PDE1A: variants seen among roughly 807,000 people sequenced by gnomAD.
PDE1A encodes the protein phosphodiesterase 1A, also known as dual specificity calcium/calmodulin-dependent 3',5'-cyclic nucleotide phosphodiesterase 1A.
PDE1A carries 35 observed loss-of-function variants against 61.7 expected under a neutral mutation model. The ratio of observed to expected loss-of-function variants is 0.57; its 90% confidence interval spans 0.43 to 0.75. The LOEUF is 0.75. PDE1A is among the 30% of genes least tolerant of loss of function. The pLI is 0.00. For synonymous variants in PDE1A, 232 were observed against 213.2 expected (o/e 1.09, Z -0.77); for missense variants, 597 against 630.6 (o/e 0.95, Z 0.57).
intron 2 of PDE1A, among the ~76,000 whole-genome samples, chr2:182,253,633 C>A (rs1197780742): frequency 6.6e-6 from 1 of 152,118 alleles, no homozygotes; most frequent in African/African-American, 2.4e-5. Context: ...AGAACAATAA[C>A]TGGTTAATAT....
At chr2:182,242,214 T>C (rs1052953317) in intron 2 of PDE1A, among the ~76,000 whole-genome samples, 1 of 152,188 alleles carries the variant, frequency 6.6e-6, no homozygotes, top group African/African-American at 2.4e-5. Flanking sequence ...ATATGTCCTA[T>C]ACTCATAAAT....
chr2:182,338,660 A>T (rs553644040), intron 1 of PDE1A, among the ~76,000 whole-genome samples: 97 of 152,152 alleles, frequency 6.4e-4, no homozygotes, highest in African/African-American at 2.3e-3. Flanking sequence ...AGTAGCTGGG[A>T]CTATAAGCAC....
At chr2:182,490,442 G>A (rs1688308611) in intron 2 of PDE1A, among the ~76,000 whole-genome samples, 1 of 152,166 alleles carries the variant, frequency 6.6e-6, no homozygotes, top group Non-Finnish European at 1.5e-5. Context: ...CTGGACCTCG[G>A]CTCACTGCAA....
At chr2:182,621,502 C>T in the PDE1A span, among the ~76,000 whole-genome samples, 2 of 152,038 alleles carry the variant, frequency 1.3e-5, no homozygotes, top group African/African-American at 4.8e-5. Context: ...AGGAATAATA[C>T]CCGTTAATAT....
chr2:182,298,302 A>C lies in PDE1A; in HGVS notation c.54-33888T>G, dbSNP rs143942629. On this transcript the variant is annotated intron_variant, in intron 1 of 13. Coordinates refer to ENST00000351439, the Ensembl canonical transcript of PDE1A. ...AGCAAGAAAATGACAGTATCAGTTG[A>C]GCTCACTGTAAACTCAGGGCAAGGT... Among the ~76,000 whole-genome samples the C allele has an allele frequency of 2.6e-3, 400 of 152,308 alleles. 2 individuals carry two copies. The highest frequency in any genetic ancestry group is 8.9e-3 in the African/African-American group (371 of 41,568).
At chr2:182,248,711 TACATTCATG>T (rs1319974314) in intron 2 of PDE1A, among the ~76,000 whole-genome samples, 6 of 152,192 alleles carry the variant, frequency 3.9e-5, no homozygotes, top group African/African-American at 1.2e-4. Flanking sequence ...GGAAAATGAT[TACATTCATG>T]TACTGATGTG....
the PDE1A span, among the ~76,000 whole-genome samples, chr2:182,597,159 A>T: frequency 1.7e-4 from 21 of 120,306 alleles, no homozygotes; most frequent in Middle Eastern, 3.8e-3. Context: ...CTCAAAAATT[A>T]AAAAAAAAAA....
chr2:182,228,907 C>A lies in PDE1A; in HGVS notation c.675+1099G>T, dbSNP rs1689346363. On this transcript the variant is annotated intron_variant, in intron 6 of 13. Coordinates refer to ENST00000351439, the Ensembl canonical transcript of PDE1A. ...TACATTTATATTTGGTAAGTCATAG[C>A]TGTCTCAGAAAGTGACTATGTGATC... 2.6e-5 allele frequency among the ~76,000 whole-genome samples: 4 copies of A among 152,138 alleles called. No homozygotes were observed. In the South Asian group the frequency reaches 8.3e-4, roughly 31 times the overall value.
At chr2:182,184,018 G>GAAAGAA (rs922020646) in intron 13 of PDE1A, among the ~76,000 whole-genome samples, 5 of 88,486 alleles carry the variant, frequency 5.7e-5, no homozygotes, top group Non-Finnish European at 7.4e-5. Flanking sequence ...AAGAAAGAAA[G>GAAAGAA]AAAGAAAGAA....
chr2:182,413,220 T>C lies in PDE1A; in HGVS notation c.53+13358A>G, dbSNP rs560403891. Among the ~76,000 whole-genome samples the C allele has an allele frequency of 4.3e-4, 66 of 152,084 alleles. No homozygotes were observed. In the South Asian group the frequency reaches 0.014, roughly 31 times the overall value. On this transcript the variant is annotated intron_variant, in intron 1 of 13. Coordinates refer to ENST00000351439, the Ensembl canonical transcript of PDE1A. ...TCAGAAGAATCCATGTTTCACTTGG[T>C]AGAAAATAAAGGGCCATGGCAAATT...
intron 1 of PDE1A, among the ~76,000 whole-genome samples, chr2:182,405,675 A>C (rs2125481878): frequency 6.6e-6 from 1 of 152,298 alleles, no homozygotes; most frequent in East Asian, 1.9e-4. Context: ...AGTTTGAGTT[A>C]GACAAAAGGA....
At chr2:182,684,555 T>C in the PDE1A span, among the ~76,000 whole-genome samples, 1 of 152,064 alleles carries the variant, frequency 6.6e-6, no homozygotes, top group Non-Finnish European at 1.5e-5. Context: ...GCAAAACATA[T>C]AATTTTTTTT....
the PDE1A span, among the ~76,000 whole-genome samples, chr2:182,677,019 C>G: frequency 6.6e-6 from 1 of 152,160 alleles, no homozygotes; most frequent in East Asian, 1.9e-4. Flanking sequence ...CAAGGATGCT[C>G]TCTCACCACT....
At chr2:182,264,399 C>T (rs762634002) in exon 2 of PDE1A, 4 of 1,612,488 alleles carry the variant, frequency 2.5e-6, no homozygotes. Flanking sequence ...CCAGCTGCTT[C>T]ACCAAGCATC....
intron 1 of PDE1A, among the ~76,000 whole-genome samples, chr2:182,393,605 C>T (rs1158302482): frequency 6.6e-6 from 1 of 152,176 alleles, no homozygotes; most frequent in African/African-American, 2.4e-5. Context: ...TGCTCTGCTT[C>T]CCTTGTAAAC....
chr2:182,505,214 T>C (rs1200444844), intron 2 of PDE1A, among the ~76,000 whole-genome samples: 2 of 152,200 alleles, frequency 1.3e-5, no homozygotes, highest in African/African-American at 4.8e-5. Context: ...TTCAGCTACA[T>C]CATGAAACAG....
chr2:182,549,198 C>CA, the PDE1A span, among the ~76,000 whole-genome samples: 1 of 150,874 alleles, frequency 6.6e-6, no homozygotes. Flanking sequence ...TTTGAATAGC[C>CA]AAAAAATCTT....
At chr2:182,538,913 T>G in the PDE1A span, among the ~76,000 whole-genome samples, 1 of 152,208 alleles carries the variant, frequency 6.6e-6, no homozygotes, top group South Asian at 2.1e-4. Context: ...TCTCTGCCCT[T>G]TGCTACCTCA....
downstream of PDE1A, among the ~76,000 whole-genome samples, chr2:182,146,742 G>C (rs745627026): frequency 6.6e-6 from 1 of 151,988 alleles, no homozygotes; most frequent in East Asian, 1.9e-4. Flanking sequence ...CCTTGGCCTC[G>C]CAAAGTGCTG....
Sources: gnomAD v4.1 joint callset for allele counts (sites outside exome capture counted in the v4.1 genomes callset) on GRCh38, gnomAD v4.1.1 for gene constraint, MANE v1.5 for transcripts, NCBI Gene and HGNC (gene_info 2026-07-23, HGNC 2026-07-21) for gene names.